DLG2: variants seen among roughly 807,000 people sequenced by gnomAD.
DLG2 encodes discs large MAGUK scaffold protein 2, also known as disks large homolog 2.
Under a neutral mutation model 132.5 loss-of-function variants are expected in DLG2, and 45 were observed. The observed-to-expected ratio is 0.34, with a 90% CI of 0.27 to 0.44. DLG2 has a LOEUF of 0.44. Among genes scored for constraint, DLG2 ranks in the 20% least tolerant of loss-of-function variants. The pLI, the probability that DLG2 is intolerant of heterozygous loss-of-function variation, is 1.00. For missense variants in DLG2, 1,045 were observed against 1,196.9 expected (o/e 0.87, Z 1.87); for synonymous variants, 424 against 419.6 (o/e 1.01, Z -0.13).
chr11:83,624,768 A>G (rs967783011), intron 19 of DLG2, among the ~76,000 whole-genome samples: 3 of 152,202 alleles, frequency 2.0e-5, no homozygotes, highest in Non-Finnish European at 4.4e-5. Context: ...ATCCATAACG[A>G]TAAGTTATGA....
At chr11:83,947,447 G>A (rs1023613035) in intron 14 of DLG2, among the ~76,000 whole-genome samples, 12 of 152,116 alleles carry the variant, frequency 7.9e-5, no homozygotes, top group South Asian at 2.1e-4. Flanking sequence ...CAAGTGTAGT[G>A]TAAATGTATG....
chr11:84,026,407 G>A (rs893686867), intron 11 of DLG2, among the ~76,000 whole-genome samples: 4 of 152,122 alleles, frequency 2.6e-5, no homozygotes, highest in African/African-American at 4.8e-5. Flanking sequence ...GCCTTATAAC[G>A]ATTAGACTTG....
At chr11:84,714,409 A>G (rs1467805805) in intron 6 of DLG2, among the ~76,000 whole-genome samples, 1 of 151,764 alleles carries the variant, frequency 6.6e-6, no homozygotes, top group African/African-American at 2.4e-5. Flanking sequence ...GGTCTGGGAG[A>G]GGTGGAGAAA....
intron 6 of DLG2, among the ~76,000 whole-genome samples, chr11:85,041,645 G>C (rs1171423904): frequency 1.3e-5 from 2 of 151,924 alleles, no homozygotes; most frequent in Non-Finnish European, 2.9e-5. Flanking sequence ...TTCAATAAGA[G>C]ATGATGCTGA....
chr11:84,963,903 G>T (rs1257418198), intron 6 of DLG2, among the ~76,000 whole-genome samples: 1 of 152,148 alleles, frequency 6.6e-6, no homozygotes, highest in Non-Finnish European at 1.5e-5. Context: ...GGATGTCTTT[G>T]TGAAGGTTAC....
rs151294872 is a variant in DLG2, at chr11:84,438,136, T to G, written c.519+96434A>C. Among the ~76,000 whole-genome samples the G allele has an allele frequency of 4.1e-3, 629 of 152,332 alleles. 2 individuals carry two copies. Among genetic ancestry groups the G allele is most frequent in the African/African-American group, 0.014 (578 of 41,574 alleles). The stretch of plus-strand genomic sequence containing the variant: ...GGACTATCAGGGCTGTTAGGGTGAC[T>G]GGAAACACAAGCATCCTTCTCTTTT... On this transcript the variant is annotated intron_variant, in intron 7 of 27. Transcript: ENST00000376104.
chr11:83,718,841 G>A (rs557602057), intron 18 of DLG2, among the ~76,000 whole-genome samples: 15 of 152,250 alleles, frequency 9.9e-5, no homozygotes, highest in East Asian at 3.9e-4. Context: ...CTAATACACC[G>A]TAGGGCCAGC....
At chr11:84,132,759 C>G (rs2094465595) in intron 9 of DLG2, among the ~76,000 whole-genome samples, 1 of 151,902 alleles carries the variant, frequency 6.6e-6, no homozygotes, top group Non-Finnish European at 1.5e-5. Context: ...CAGGGGATAG[C>G]TAATTTGAAT....
At chr11:85,185,889 T>C (rs2080058851) in intron 4 of DLG2, among the ~76,000 whole-genome samples, 2 of 152,002 alleles carry the variant, frequency 1.3e-5, no homozygotes, top group Non-Finnish European at 2.9e-5. Context: ...TTACCGCCAC[T>C]TCTCTATTTC....
intron 6 of DLG2, among the ~76,000 whole-genome samples, chr11:85,022,214 G>GA (rs1389136954): frequency 6.6e-6 from 1 of 151,400 alleles, no homozygotes; most frequent in Non-Finnish European, 1.5e-5. Flanking sequence ...CAAGATATTA[G>GA]AAAAAATGCA....
intron 3 of DLG2, among the ~76,000 whole-genome samples, chr11:85,440,434 A>G (rs905677385): frequency 2.0e-5 from 3 of 152,098 alleles, no homozygotes; most frequent in Non-Finnish European, 4.4e-5. Flanking sequence ...GTAACCAGAC[A>G]TTTTTCTCAT....
chr11:83,687,340 G>C (rs1277035429), intron 18 of DLG2, among the ~76,000 whole-genome samples: 1 of 152,120 alleles, frequency 6.6e-6, no homozygotes, highest in Non-Finnish European at 1.5e-5. Flanking sequence ...CCTGCCCCAG[G>C]TTTCACAGCT....
At chr11:84,480,749 G>A (rs1214703133) in intron 7 of DLG2, among the ~76,000 whole-genome samples, 4 of 149,818 alleles carry the variant, frequency 2.7e-5, no homozygotes, top group African/African-American at 9.8e-5. Context: ...TGTTTCTTGG[G>A]GGTTTTCTTT....
chr11:85,442,524 G>C (rs1194570940), intron 3 of DLG2, among the ~76,000 whole-genome samples: 2 of 152,088 alleles, frequency 1.3e-5, no homozygotes, highest in South Asian at 2.1e-4. Flanking sequence ...CATTACCAGG[G>C]ATGAGAAAGT....
intron 21 of DLG2, among the ~76,000 whole-genome samples, chr11:83,531,650 C>G (rs1485468874): frequency 6.6e-6 from 1 of 151,988 alleles, no homozygotes; most frequent in Non-Finnish European, 1.5e-5. Flanking sequence ...CCTAGGCATA[C>G]AGCCAATGGA....
chr11:83,633,143 G>A, intron 19 of DLG2, 68 bp downstream of exon 19: 1 of 1,383,930 alleles, frequency 7.2e-7, no homozygotes, highest in Non-Finnish European at 1.0e-6. Context: ...TTGCTACATG[G>A]TGTTGCCTTT....
chr11:83,950,714 C>T (rs1156816423), intron 14 of DLG2, among the ~76,000 whole-genome samples: 2 of 152,176 alleles, frequency 1.3e-5, no homozygotes, highest in Non-Finnish European at 2.9e-5. Flanking sequence ...ACCCTGGACC[C>T]TACTGAAGCT....
chr11:85,387,475 C>T (rs1395345198), intron 3 of DLG2, among the ~76,000 whole-genome samples: 1 of 152,164 alleles, frequency 6.6e-6, no homozygotes, highest in Non-Finnish European at 1.5e-5. Flanking sequence ...TTTAATTACA[C>T]TCAATGTGTA....
At chr11:85,182,167 T>A (rs1163551599) in intron 4 of DLG2, among the ~76,000 whole-genome samples, 1 of 151,954 alleles carries the variant, frequency 6.6e-6, no homozygotes, top group African/African-American at 2.4e-5. Context: ...TCTGCCTATG[T>A]TATCCCAATT....
Sources: gnomAD v4.1 joint callset for allele counts (sites outside exome capture counted in the v4.1 genomes callset) on GRCh38, gnomAD v4.1.1 for gene constraint, MANE v1.5 for transcripts, NCBI Gene and HGNC (gene_info 2026-07-23, HGNC 2026-07-21) for gene names.